SEH1L: variants seen among roughly 807,000 people sequenced by gnomAD.
SEH1L encodes SEH1 like nucleoporin, also known as nucleoporin SEH1.
Under a neutral mutation model 49.5 loss-of-function variants are expected in SEH1L, and 18 were observed. That is an observed-to-expected ratio of 0.36 (90% confidence interval 0.25 to 0.54). The LOEUF (loss-of-function observed/expected upper bound fraction) is 0.54. Among genes scored for constraint, SEH1L ranks in the 20% least tolerant of loss-of-function variants. The probability of loss-of-function intolerance (pLI) is 0.87; values close to 1 mark genes in which losing one functional copy is unlikely to be tolerated. For missense variants in SEH1L, 404 were observed against 528.8 expected (o/e 0.76, Z 2.31); for synonymous variants, 169 against 178.1 (o/e 0.95, Z 0.41).
chr18:12,956,263 C>T (rs2030852573), intron 3 of SEH1L, among the ~76,000 whole-genome samples: 1 of 151,984 alleles, frequency 6.6e-6, no homozygotes, highest in Non-Finnish European at 1.5e-5. Flanking sequence ...CCAGGATGGT[C>T]TCGATCTCCT....
rs1467685892 is a variant in SEH1L, at chr18:12,981,849, C to CTTTTTTTT, written c.762-669_762-668insTTTTTTTT. Among the ~76,000 whole-genome samples, 100 of 102,476 alleles carry CTTTTTTTT rather than the reference C, an allele frequency of 9.8e-4. 15 individuals are homozygous for CTTTTTTTT. Among genetic ancestry groups the CTTTTTTTT allele is most frequent in the African/African-American group, 1.1e-3 (24 of 21,694 alleles). 67.2% of individuals were successfully genotyped at this position (102,476 alleles called of 152,430 possible). Reference sequence around the variant, plus strand: ...ATTCTTTCCTACTTGCTGCCCTGCCCATTTTTTTTTTTTTTTTTTTTTTTT... The same window carrying CTTTTTTTT: ...ATTCTTTCCTACTTGCTGCCCTGCCCTTTTTTTTATTTTTTTTTTTTTTTTTTTTTTTT... On this transcript the variant is annotated intron_variant, in intron 6 of 8. Transcript: ENST00000399892.
At position 12,982,582 on chromosome 18, in the gene SEH1L, A is replaced by T. The variant is rs761565691; in HGVS notation, c.826A>T (p.Asn276Tyr). Reference protein sequence around the residue: ...FEIHIVAQFDNHNSQVWRVSW... With the variant: ...FEIHIVAQFDYHNSQVWRVSW... ...AATCCATATAGTGGCTCAGTTCGAT[A>T]ATCATAATTCTCAGGTCTGGCGAGT... The change falls in exon 7 of 9, where the codon AAT (asparagine) becomes TAT (tyrosine). Residue 276 changes from asparagine (N) to tyrosine (Y), a missense_variant. This residue lies in a region of SEH1L where 342 missense variants were observed against 430.8 expected (regional missense o/e 0.79). Coordinates refer to ENST00000399892, the MANE Select transcript of SEH1L (RefSeq NM_001013437.2). The T allele has an allele frequency of 1.2e-6, 2 of 1,613,908 alleles. No individual in the cohort carries two copies. Among genetic ancestry groups the T allele is most frequent in the Admixed American group, 3.3e-5 (2 of 60,026 alleles).
At chr18:12,963,960 G>C (rs915268435) in intron 4 of SEH1L, among the ~76,000 whole-genome samples, 1 of 152,228 alleles carries the variant, frequency 6.6e-6, no homozygotes, top group Non-Finnish European at 1.5e-5. Context: ...TGATCTGCCT[G>C]CCTCGGCCTC....
intron 4 of SEH1L, 112 bp downstream of exon 4, chr18:12,963,483 A>ATATATCTT: frequency 1.2e-6 from 1 of 807,258 alleles, no homozygotes; most frequent in Non-Finnish European, 2.0e-6. Flanking sequence ...CAAGATATAT[A>ATATATCTT]GAGTATATGT....
intron 6 of SEH1L, among the ~76,000 whole-genome samples, chr18:12,981,009 T>A (rs2032224386): frequency 6.9e-6 from 1 of 144,784 alleles, no homozygotes; most frequent in Non-Finnish European, 1.5e-5. Context: ...GCGGAGGGGC[T>A]CCTCACTTCT....
intron 2 of SEH1L, among the ~76,000 whole-genome samples, chr18:12,954,244 A>G (rs2030720011): frequency 6.6e-6 from 1 of 152,212 alleles, no homozygotes; most frequent in South Asian, 2.1e-4. Context: ...TTCCCTGAGA[A>G]GCACCTAGCA....
intron 5 of SEH1L, among the ~76,000 whole-genome samples, chr18:12,975,354 A>G (rs1361498284): frequency 6.6e-6 from 1 of 152,022 alleles, no homozygotes; most frequent in African/African-American, 2.4e-5. Context: ...CACTTTTTCA[A>G]CATTTCATAA....
intron 3 of SEH1L, among the ~76,000 whole-genome samples, chr18:12,961,757 A>C (rs1210512051): frequency 6.6e-6 from 1 of 151,960 alleles, no homozygotes; most frequent in Non-Finnish European, 1.5e-5. Flanking sequence ...GCCTCCGCCG[A>C]CCACACTCAA....
At chr18:12,957,421 T>G (rs112389527) in intron 3 of SEH1L, among the ~76,000 whole-genome samples, 2,133 of 142,844 alleles carry the variant, frequency 0.015, 56 homozygotes, top group African/African-American at 0.054. Context: ...AGAGCGAGAC[T>G]TCGTCTCAAA....
chr18:12,972,327 A>G (rs1181072498), intron 5 of SEH1L: 1 of 152,190 alleles, frequency 6.6e-6, no homozygotes, highest in Non-Finnish European at 1.5e-5. Flanking sequence ...TGTAATTTCA[A>G]TGTGTGTAAT....
intron 1 of SEH1L, among the ~76,000 whole-genome samples, chr18:12,951,397 T>C (rs752851520): frequency 1.2e-4 from 19 of 152,138 alleles, no homozygotes; most frequent in Admixed American, 3.3e-4. Flanking sequence ...AGGTTCTCAA[T>C]GTAAATTTTT....
Position 12,955,612 on chromosome 18 carries a change from G to A in SEH1L, c.309+3G>A. On this transcript the variant is annotated splice_donor_region_variant and intron_variant, in intron 3 of 8. Transcript: ENST00000399892. Reference sequence around the variant, plus strand: ...AACTGCGAGGACAGAGCCACTGGGTGAGACATTTATTAGTATTCTGGGGAC... The same window carrying A: ...AACTGCGAGGACAGAGCCACTGGGTAAGACATTTATTAGTATTCTGGGGAC... 1 of 1,613,904 alleles carries A rather than the reference G, an allele frequency of 6.2e-7. No homozygotes were observed. Among genetic ancestry groups the A allele is most frequent in the Non-Finnish European group, 8.5e-7 (1 of 1,179,856 alleles).
In SEH1L at chr18:12,950,096, C is replaced by CA. The variant is rs202002545; in HGVS notation, c.112-1759_112-1758insA. Among the ~76,000 whole-genome samples the CA allele has an allele frequency of 8.1e-3, 1,230 of 151,086 alleles. 71 individuals are homozygous for CA. Among genetic ancestry groups the CA allele is most frequent in the Admixed American group, 0.076 (1,154 of 15,176 alleles). On this transcript the variant is annotated intron_variant, in intron 1 of 8. Coordinates refer to ENST00000399892, the MANE Select transcript of SEH1L (RefSeq NM_001013437.2). Reference sequence around the variant, plus strand: ...TCACCCAGGCTGGAGTGCAGTGGTGCGATCTTGGCTTGTTGCAGCCTCAAC... The same window carrying CA: ...TCACCCAGGCTGGAGTGCAGTGGTGCAGATCTTGGCTTGTTGCAGCCTCAAC...
intron 1 of SEH1L, among the ~76,000 whole-genome samples, 171 bp from the exon 2 acceptor site, chr18:12,951,684 C>G (rs1421162155): frequency 6.6e-6 from 1 of 152,236 alleles, no homozygotes; most frequent in Admixed American, 6.5e-5. Flanking sequence ...AGCCATCGCA[C>G]CCAGCCTCTC....
Position 12,978,885 on chromosome 18 carries a change from C to G in SEH1L, c.754C>G (p.Pro252Ala), listed in dbSNP as rs1318975453. Residue 252 changes from proline to alanine, a missense_variant, in exon 6 of 9, where the codon CCT becomes GCT. Coordinates refer to ENST00000399892, the MANE Select transcript of SEH1L (RefSeq NM_001013437.2). ...AGATGTGAGAATTTTTACATTAAAG[C>G]CTGTGAGGTGAGTTTTAGAAGCATT... Reference protein sequence around the residue: ...TKDVRIFTLKPVRKELTSSGG... With the variant: ...TKDVRIFTLKAVRKELTSSGG... 1 of 1,613,618 alleles carries G rather than the reference C, an allele frequency of 6.2e-7. No individual in the cohort carries two copies. Among genetic ancestry groups the G allele is most frequent in the South Asian group, 1.1e-5 (1 of 91,022 alleles).
At chr18:12,952,327 G>C (rs977874984) in intron 2 of SEH1L, among the ~76,000 whole-genome samples, 2 of 151,656 alleles carry the variant, frequency 1.3e-5, no homozygotes, top group Admixed American at 6.6e-5. Context: ...CCGCCTGTTG[G>C]GTTCAAGTGA....
intron 4 of SEH1L, among the ~76,000 whole-genome samples, chr18:12,969,845 T>C (rs1185859807): frequency 6.7e-6 from 1 of 148,302 alleles, no homozygotes; most frequent in East Asian, 2.0e-4. Context: ...TGATCAGAGA[T>C]CGCCACTGCA....
chr18:12,957,855 C>G (rs930620709), intron 3 of SEH1L, among the ~76,000 whole-genome samples: 1 of 151,954 alleles, frequency 6.6e-6, no homozygotes, highest in Non-Finnish European at 1.5e-5. Flanking sequence ...TAGCTGGGAT[C>G]ACAGGCATGC....
intron 3 of SEH1L, among the ~76,000 whole-genome samples, chr18:12,962,580 G>A (rs916650161): frequency 4.5e-5 from 6 of 134,292 alleles, no homozygotes; most frequent in South Asian, 5.1e-4. Context: ...CGATCCACCC[G>A]CCTCAGCCTC....
Sources: gnomAD v4.1 joint callset for allele counts (sites outside exome capture counted in the v4.1 genomes callset) on GRCh38, gnomAD v4.1.1 for gene constraint, gnomAD v4.1.1 regional missense constraint, MANE v1.5 for transcripts, NCBI Gene and HGNC (gene_info 2026-07-23, HGNC 2026-07-21) for gene names.